The following CLIC5 variants were observed in gnomAD, a reference collection of about 807,000 sequenced individuals.
CLIC5 encodes the protein CLIC family member 5, also known as chloride intracellular channel protein 5.
In CLIC5, 20 loss-of-function variants were observed where a neutral mutation model predicts 24.7. The ratio of observed to expected loss-of-function variants is 0.81; its 90% confidence interval spans 0.57 to 1.18. The LOEUF is 1.18. CLIC5 is among the 50% of genes most tolerant of loss of function. CLIC5 has a pLI of 0.00. For synonymous variants in CLIC5, 159 were observed against 135.6 expected, an observed-to-expected ratio of 1.17 and a Z score of -1.20; for missense variants, 341 against 326.1, an observed-to-expected ratio of 1.05 and a Z score of -0.35.
At chr6:45,904,781 G>A (rs1429362151) in intron 5 of CLIC5, among the ~76,000 whole-genome samples, 1 of 148,908 alleles carries the variant, frequency 6.7e-6, no homozygotes, top group Non-Finnish European at 1.5e-5. Flanking sequence ...ACATGTGCAG[G>A]CTTGTTACCT....
At chr6:46,011,295 G>A (rs887981084) in intron 1 of CLIC5, among the ~76,000 whole-genome samples, 1 of 152,232 alleles carries the variant, frequency 6.6e-6, no homozygotes, top group East Asian at 1.9e-4. Flanking sequence ...CCCTGAGGCT[G>A]TTAGAAGTTC....
At chr6:46,015,993 A>G, upstream of CLIC5, 1 of 719,138 alleles carries the variant, frequency 1.4e-6, no homozygotes, top group Non-Finnish European at 1.7e-6. Flanking sequence ...AAGACCCCGC[A>G]GGGCAGGAGG....
At chr6:45,984,215 C>T (rs1014256086) in intron 1 of CLIC5, among the ~76,000 whole-genome samples, 7 of 152,180 alleles carry the variant, frequency 4.6e-5, no homozygotes, top group African/African-American at 1.7e-4. Context: ...TTAGAGGAGC[C>T]ATCAGTGCAT....
At chr6:45,958,829 C>A (rs1764754277) in intron 1 of CLIC5, among the ~76,000 whole-genome samples, 1 of 152,038 alleles carries the variant, frequency 6.6e-6, no homozygotes, top group South Asian at 2.1e-4. Context: ...GCACCTGAAA[C>A]TTACTTTATA....
At chr6:46,121,793 A>G in the CLIC5 span, among the ~76,000 whole-genome samples, 1 of 152,206 alleles carries the variant, frequency 6.6e-6, no homozygotes, top group African/African-American at 2.4e-5. Flanking sequence ...AGTCTCTGAT[A>G]AAACAGACTT....
chr6:46,019,503 G>C (rs1399095109), upstream of CLIC5, among the ~76,000 whole-genome samples: 2 of 151,440 alleles, frequency 1.3e-5, no homozygotes, highest in African/African-American at 4.8e-5. Flanking sequence ...TGGCTAACAA[G>C]GTGAAACCCC....
Position 45,923,479 on chromosome 6 carries a change from A to G in CLIC5, c.407-9070T>C, listed in dbSNP as rs555468540. 4.6e-5 allele frequency among the ~76,000 whole-genome samples: 7 copies of G among 152,356 alleles called. No homozygotes were observed. The South Asian group carries it at 1.2e-3, about 27-fold the overall frequency. On this transcript the variant is annotated intron_variant, in intron 4 of 5. Coordinates refer to ENST00000339561, the MANE Select transcript of CLIC5 (RefSeq NM_016929.5). ...CAAACTTAAAAACTGCCTCTGTGCC[A>G]CTGCAATGCTAGACTGAAATAATTA...
At chr6:46,113,463 C>T in the CLIC5 span, among the ~76,000 whole-genome samples, 1 of 152,010 alleles carries the variant, frequency 6.6e-6, no homozygotes, top group Non-Finnish European at 1.5e-5. Context: ...CAGGCTGTGG[C>T]TATTAGGAAG....
intron 4 of CLIC5, among the ~76,000 whole-genome samples, chr6:45,919,492 C>A (rs983810712): frequency 6.6e-6 from 1 of 152,104 alleles, no homozygotes; most frequent in Non-Finnish European, 1.5e-5. Flanking sequence ...GACCCTCCCC[C>A]CCACCACCTC....
At chr6:46,032,870 C>CAG (rs111890481) in intron 1 of CLIC5, among the ~76,000 whole-genome samples, 25,370 of 151,910 alleles carry the variant, frequency 0.17, 2,522 homozygotes, top group African/African-American at 0.28. Context: ...GCAGAGGAAG[C>CAG]AGTTTCCAAG....
chr6:45,911,172 T>A (rs1041518141), intron 5 of CLIC5, among the ~76,000 whole-genome samples: 1 of 152,032 alleles, frequency 6.6e-6, no homozygotes, highest in Admixed American at 6.6e-5. Context: ...GCCCTAGGAG[T>A]AGTAGCTGCC....
chr6:46,086,278 C>T, the CLIC5 span, among the ~76,000 whole-genome samples: 51,044 of 152,166 alleles, frequency 0.34, 8,870 homozygotes, highest in Middle Eastern at 0.49. Flanking sequence ...TCTGGCACTC[C>T]CTAGTGAGAT....
At chr6:46,081,470 T>C (rs1315467501), upstream of CLIC5, among the ~76,000 whole-genome samples, 2 of 152,200 alleles carry the variant, frequency 1.3e-5, no homozygotes, top group Non-Finnish European at 2.9e-5. Flanking sequence ...TATCCAGGAA[T>C]CTTCTACTGG....
the CLIC5 span, among the ~76,000 whole-genome samples, chr6:46,101,225 A>G: frequency 1.3e-5 from 2 of 152,222 alleles, no homozygotes; most frequent in African/African-American, 2.4e-5. Context: ...CAAGAAGCCT[A>G]TACAAACATG....
intron 1 of CLIC5, among the ~76,000 whole-genome samples, chr6:45,976,012 T>C (rs1170889186): frequency 2.0e-5 from 3 of 152,150 alleles, no homozygotes; most frequent in Non-Finnish European, 4.4e-5. Context: ...CCTGTGCTGA[T>C]GCTCCCCTAA....
the CLIC5 span, among the ~76,000 whole-genome samples, chr6:46,098,337 T>C: frequency 6.6e-6 from 1 of 152,212 alleles, no homozygotes; most frequent in East Asian, 1.9e-4. Context: ...AAGATTTCAC[T>C]GGCAGAAATT....
At chr6:46,078,516 CCA>C (rs1039142060) in intron 1 of CLIC5, among the ~76,000 whole-genome samples, 3 of 152,066 alleles carry the variant, frequency 2.0e-5, no homozygotes, top group Admixed American at 6.6e-5. Flanking sequence ...CTCTGAACAC[CCA>C]CACACTCCAC....
chr6:46,042,024 G>C (rs1173581434), intron 1 of CLIC5, among the ~76,000 whole-genome samples: 2 of 152,284 alleles, frequency 1.3e-5, no homozygotes, highest in East Asian at 3.9e-4. Context: ...TATATAATGG[G>C]AATATTAGAC....
At chr6:45,958,321 C>A (rs1764713542) in intron 1 of CLIC5, among the ~76,000 whole-genome samples, 2 of 150,770 alleles carry the variant, frequency 1.3e-5, no homozygotes, top group South Asian at 4.2e-4. Context: ...GAACTTCTGG[C>A]CTCCAGAACT....
Sources: allele counts gnomAD v4.1 joint callset (sites outside exome capture counted in the v4.1 genomes callset), GRCh38; gene constraint gnomAD v4.1.1; transcripts MANE v1.5; gene names NCBI Gene and HGNC (gene_info 2026-07-23, HGNC 2026-07-21).